The following NYAP2 variants were observed in gnomAD, a reference collection of about 807,000 sequenced individuals.
NYAP2 encodes neuronal tyrosine-phosphorylated phosphoinositide-3-kinase adaptor 2.
NYAP2 carries 23 observed loss-of-function variants against 50.4 expected under a neutral mutation model. That is an observed-to-expected ratio of 0.46 (90% CI 0.33 to 0.65). NYAP2 has a LOEUF of 0.65. NYAP2 is among the 30% of genes least tolerant of loss of function. The probability of loss-of-function intolerance (pLI) is 0.02; values close to 1 mark genes in which losing one functional copy is unlikely to be tolerated. For missense variants in NYAP2, 885 were observed against 861.0 expected (o/e 1.03, Z -0.35); for synonymous variants, 394 against 365.2 (o/e 1.08, Z -0.90).
chr2:225,697,249 T>C, the NYAP2 span, among the ~76,000 whole-genome samples: 7 of 152,086 alleles, frequency 4.6e-5, no homozygotes, highest in Admixed American at 2.0e-4. Context: ...CATATGTGTA[T>C]GTATGTATCA....
chr2:225,642,666 T>A (rs964809164), intron 6 of NYAP2, among the ~76,000 whole-genome samples: 2 of 152,170 alleles, frequency 1.3e-5, no homozygotes, highest in Non-Finnish European at 2.9e-5. Flanking sequence ...GAATAATCGA[T>A]TGGACAGACT....
intron 4 of NYAP2, among the ~76,000 whole-genome samples, chr2:225,539,646 T>G (rs1239965192): frequency 6.6e-6 from 1 of 152,234 alleles, no homozygotes; most frequent in Non-Finnish European, 1.5e-5. Flanking sequence ...TGTCTTCTTT[T>G]GAGAAGTGTC....
chr2:225,514,330 T>G (rs1478437776), intron 4 of NYAP2, among the ~76,000 whole-genome samples: 1 of 152,216 alleles, frequency 6.6e-6, no homozygotes, highest in African/African-American at 2.4e-5. Context: ...TTCCCTGAGT[T>G]ACTCCTGAGA....
exon 5 of NYAP2, chr2:225,581,963 C>T (rs754007178): frequency 5.6e-6 from 9 of 1,606,028 alleles, no homozygotes; most frequent in Non-Finnish European, 7.7e-6. Context: ...CAAGACCCCA[C>T]AGCGATGAAT....
At chr2:225,479,803 A>C (rs1275318366) in intron 3 of NYAP2, among the ~76,000 whole-genome samples, 1 of 152,102 alleles carries the variant, frequency 6.6e-6, no homozygotes, top group Non-Finnish European at 1.5e-5. Flanking sequence ...AAAACATCTA[A>C]ATTTTTTTCT....
chr2:225,599,872 A>T (rs1042199948), intron 5 of NYAP2, among the ~76,000 whole-genome samples: 1 of 152,202 alleles, frequency 6.6e-6, no homozygotes, highest in Non-Finnish European at 1.5e-5. Context: ...ATTATAAAAT[A>T]TATATGACAT....
At chr2:225,588,764 G>A (rs182316326) in intron 5 of NYAP2, among the ~76,000 whole-genome samples, 5 of 152,300 alleles carry the variant, frequency 3.3e-5, no homozygotes, top group Admixed American at 3.3e-4. Flanking sequence ...GCCTGCCACA[G>A]GCTAATGCAA....
At chr2:225,654,246 TCAAACAAACAATC>T (rs1693788388), downstream of NYAP2, among the ~76,000 whole-genome samples, 3 of 152,030 alleles carry the variant, frequency 2.0e-5, no homozygotes, top group African/African-American at 7.2e-5. Flanking sequence ...CCTAGCACTA[TCAAACAAACAATC>T]CCTCTGGTCA....
chr2:225,627,077 A>G (rs2106257959), exon 6 of NYAP2: 1 of 1,597,438 alleles, frequency 6.3e-7, no homozygotes. Flanking sequence ...CCAGTCGACT[A>G]GGAAGATGCT....
At chr2:225,658,997 T>C (rs934053824), downstream of NYAP2, among the ~76,000 whole-genome samples, 1 of 152,188 alleles carries the variant, frequency 6.6e-6, no homozygotes, top group Non-Finnish European at 1.5e-5. Context: ...AGTAACTCCA[T>C]TATAGAGTGG....
chr2:225,466,174 T>C (rs963766160), intron 3 of NYAP2, among the ~76,000 whole-genome samples: 3 of 152,220 alleles, frequency 2.0e-5, no homozygotes, highest in East Asian at 1.9e-4. Flanking sequence ...TTTCTGAATA[T>C]ACTATTTCTC....
At chr2:225,486,765 A>T (rs1284829283) in intron 3 of NYAP2, among the ~76,000 whole-genome samples, 2 of 151,042 alleles carry the variant, frequency 1.3e-5, no homozygotes, top group Admixed American at 6.6e-5. Context: ...TTCTGATAGG[A>T]TATTCTCCCT....
At chr2:225,532,631 A>G (rs1486378955) in intron 4 of NYAP2, among the ~76,000 whole-genome samples, 1 of 151,958 alleles carries the variant, frequency 6.6e-6, no homozygotes, top group Non-Finnish European at 1.5e-5. Context: ...TTGCACTAAA[A>G]CTTGTGAATT....
At chr2:225,563,300 A>G (rs1691906025) in intron 4 of NYAP2, among the ~76,000 whole-genome samples, 1 of 152,148 alleles carries the variant, frequency 6.6e-6, no homozygotes, top group Admixed American at 6.6e-5. Flanking sequence ...TGAACATTAA[A>G]CTAAGACTTA....
chr2:225,660,441 A>ATTTT, the NYAP2 span, among the ~76,000 whole-genome samples: 1,022 of 133,960 alleles, frequency 7.6e-3, 19 homozygotes, highest in East Asian at 0.033. Flanking sequence ...CACAGGATAC[A>ATTTT]TTTTTTTTTT....
At chr2:225,601,504 A>G (rs574868157) in intron 5 of NYAP2, among the ~76,000 whole-genome samples, 1 of 152,046 alleles carries the variant, frequency 6.6e-6, no homozygotes, top group African/African-American at 2.4e-5. Flanking sequence ...TTTTATTCCC[A>G]CCAGCAATGC....
At chr2:225,471,813 T>C (rs928776845) in intron 3 of NYAP2, among the ~76,000 whole-genome samples, 7 of 152,198 alleles carry the variant, frequency 4.6e-5, no homozygotes, top group African/African-American at 1.7e-4. Context: ...ATACTAGCTC[T>C]GCCTTCAAAG....
the NYAP2 span, among the ~76,000 whole-genome samples, chr2:225,680,377 A>T: frequency 6.6e-6 from 1 of 152,156 alleles, no homozygotes; most frequent in Non-Finnish European, 1.5e-5. Context: ...AGGGGTTGCA[A>T]TCTTATAGAG....
chr2:225,483,108 T>C (rs1690233060), intron 3 of NYAP2, among the ~76,000 whole-genome samples: 1 of 152,188 alleles, frequency 6.6e-6, no homozygotes, highest in Non-Finnish European at 1.5e-5. Context: ...TTTAAATTGT[T>C]TAAAAAATTA....
Sources: allele counts gnomAD v4.1 joint callset (sites outside exome capture counted in the v4.1 genomes callset), GRCh38; gene constraint gnomAD v4.1.1; transcripts MANE v1.5; gene names NCBI Gene and HGNC (gene_info 2026-07-23, HGNC 2026-07-21).